R3HDM4: variants seen among roughly 807,000 people sequenced by gnomAD.
R3HDM4 encodes the protein R3H domain containing 4.
In R3HDM4, 30 loss-of-function variants were observed where a neutral mutation model predicts 31.3. That is an observed-to-expected ratio of 0.96 (90% CI 0.72 to 1.30). The LOEUF is 1.30. Ranked by LOEUF, R3HDM4 falls within the 50% of genes most tolerant of loss-of-function variation. R3HDM4 has a pLI of 0.00. For missense variants in R3HDM4, 444 were observed against 366.1 expected (o/e 1.21, Z -1.74); for synonymous variants, 196 against 156.6 (o/e 1.25, Z -1.88).
chr19:899,365 C>T lies in R3HDM4; in HGVS notation c.703+75G>A. Reference sequence around the variant, plus strand: ...CCCACCAAGCCCCACTCTGAGGAACCAGGCCCCTGGGACCCTGGCCACTTT... The same window carrying T: ...CCCACCAAGCCCCACTCTGAGGAACTAGGCCCCTGGGACCCTGGCCACTTT... On this transcript the variant is annotated intron_variant, in intron 7 of 7. Transcript: ENST00000361574. The surrounding 1 kb of genome is among the most constrained non-coding windows in gnomAD (Gnocchi z 6.8). The T allele has an allele frequency of 6.7e-7, 1 of 1,497,798 alleles. No individual in the cohort carries two copies. Among genetic ancestry groups the T allele is most frequent in the South Asian group, 1.1e-5 (1 of 88,368 alleles). 92.8% of individuals were successfully genotyped at this position (1,497,798 alleles called of 1,614,324 possible).
intron 3 of R3HDM4, 102 bp from the exon 4 acceptor site, chr19:901,054 C>T: frequency 7.2e-7 from 1 of 1,391,202 alleles, no homozygotes; most frequent in Non-Finnish European, 9.7e-7. Context: ...CGTGGACGCG[C>T]TCCTGCGGTC....
chr19:897,678 G>C lies in R3HDM4; in HGVS notation c.704-138C>G. The C allele has an allele frequency of 6.0e-6, 4 of 672,110 alleles. No individual in the cohort carries two copies. The South Asian group carries it at 7.8e-5, about 13-fold the overall frequency. 41.6% of individuals were successfully genotyped at this position (672,110 alleles called of 1,614,324 possible). A position where few individuals can be genotyped will look rare whatever the true frequency, so the allele number is the denominator to read the frequency against. On this transcript the variant is annotated intron_variant, in intron 7 of 7. Coordinates refer to ENST00000361574, the MANE Select transcript of R3HDM4 (RefSeq NM_138774.4). Reference sequence around the variant, plus strand: ...GGTGTGTGCTGGTCACTGCGGCCTGGCTGGCCCTAAGCCCGCAGGTCCGGG... The same window carrying C: ...GGTGTGTGCTGGTCACTGCGGCCTGCCTGGCCCTAAGCCCGCAGGTCCGGG...
intron 1 of R3HDM4, among the ~76,000 whole-genome samples, chr19:909,323 G>C (rs2036943661): frequency 6.6e-6 from 1 of 152,182 alleles, no homozygotes; most frequent in African/African-American, 2.4e-5. Flanking sequence ...TGTGCATCAG[G>C]AAGCCAGGGC....
At chr19:910,888 G>A (rs1044439484) in intron 1 of R3HDM4, among the ~76,000 whole-genome samples, 1 of 152,020 alleles carries the variant, frequency 6.6e-6, no homozygotes, top group African/African-American at 2.4e-5. Flanking sequence ...GGGAGGCCAA[G>A]GCGGGCAGAT....
chr19:912,647 A>C (rs1418076326), intron 1 of R3HDM4, among the ~76,000 whole-genome samples: 1 of 48,098 alleles, frequency 2.1e-5, no homozygotes, highest in South Asian at 1.0e-3. Flanking sequence ...GAGTGGGGGC[A>C]CGGACCGAGG....
chr19:903,234 C>T (rs1259308302), intron 1 of R3HDM4, among the ~76,000 whole-genome samples: 2 of 150,114 alleles, frequency 1.3e-5, no homozygotes, highest in South Asian at 2.1e-4. Flanking sequence ...CTCAGCCCCC[C>T]CCGCAAACCC....
intron 1 of R3HDM4, among the ~76,000 whole-genome samples, chr19:908,689 G>T (rs1469414199): frequency 6.6e-6 from 1 of 152,052 alleles, no homozygotes; most frequent in Non-Finnish European, 1.5e-5. Flanking sequence ...CAAACTCAGG[G>T]AGCCCCGGTC....
intron 1 of R3HDM4, among the ~76,000 whole-genome samples, chr19:910,683 C>G (rs2036960301): frequency 6.6e-6 from 1 of 151,914 alleles, no homozygotes. Flanking sequence ...TGTCTCCAAT[C>G]AATTAACCAA....
intron 1 of R3HDM4, among the ~76,000 whole-genome samples, chr19:903,620 G>C (rs757291901): frequency 6.6e-6 from 1 of 152,216 alleles, no homozygotes; most frequent in Admixed American, 6.5e-5. Context: ...CAAACTGGGC[G>C]TGGGAGCTCA....
chr19:906,713 G>GT (rs2036909804), intron 1 of R3HDM4, among the ~76,000 whole-genome samples: 1 of 152,180 alleles, frequency 6.6e-6, no homozygotes, highest in South Asian at 2.1e-4. Context: ...GCTGGACTGA[G>GT]TATTTTCCCC....
chr19:908,044 T>C lies in R3HDM4; in HGVS notation c.71+5043A>G, dbSNP rs564114599. Reference sequence around the variant, plus strand: ...CCTGTCTCTACAAAAATACAAAAATTAGCCAGGAGTGGTGGCGCACGCCTG... The same window carrying C: ...CCTGTCTCTACAAAAATACAAAAATCAGCCAGGAGTGGTGGCGCACGCCTG... On this transcript the variant is annotated intron_variant, in intron 1 of 7. Coordinates refer to ENST00000361574, the MANE Select transcript of R3HDM4 (RefSeq NM_138774.4). Among the ~76,000 whole-genome samples the C allele has an allele frequency of 7.9e-5, 12 of 151,166 alleles. No homozygotes were observed. In the South Asian group the frequency reaches 1.0e-3, roughly 13 times the overall value.
At chr19:897,960 C>A (rs116165579) in intron 7 of R3HDM4, among the ~76,000 whole-genome samples, 2,905 of 152,270 alleles carry the variant, frequency 0.019, 105 homozygotes, top group African/African-American at 0.067. Flanking sequence ...CCCATCTCCC[C>A]CTCACTGCAG....
In R3HDM4 at chr19:901,437, G is replaced by A. The variant is rs774354440; in HGVS notation, c.336C>T (p.Asn112=). 144 of 1,607,344 alleles carry A rather than the reference G, an allele frequency of 9.0e-5. No homozygotes were observed. The East Asian group carries it at 1.9e-3, about 21-fold the overall frequency. Residue 112 remains asparagine (N), a synonymous_variant, in exon 3 of 8, where the codon AAC becomes AAT. Coordinates refer to ENST00000361574, the MANE Select transcript of R3HDM4 (RefSeq NM_138774.4). ...SPGIFAEACN[N]ATYVEVWNDF... Reference sequence around the variant, plus strand: ...GGGGCCACACCTCCACATAGGTGGCGTTGTTGCAGGCCTCGGCAAAGATGC... The same window carrying A: ...GGGGCCACACCTCCACATAGGTGGCATTGTTGCAGGCCTCGGCAAAGATGC...
At chr19:902,985 C>T (rs1032560569) in intron 1 of R3HDM4, among the ~76,000 whole-genome samples, 24 of 152,118 alleles carry the variant, frequency 1.6e-4, no homozygotes, top group Non-Finnish European at 3.5e-4. Context: ...TAAACCGAGG[C>T]TCAGAGAAGT....
At chr19:905,945 C>G (rs577046375) in intron 1 of R3HDM4, among the ~76,000 whole-genome samples, 9 of 152,176 alleles carry the variant, frequency 5.9e-5, no homozygotes, top group Non-Finnish European at 8.8e-5. Context: ...ACTGCCTCCT[C>G]GCCAGGCTGC....
intron 1 of R3HDM4, among the ~76,000 whole-genome samples, chr19:906,320 C>T (rs533993888): frequency 7.0e-5 from 10 of 143,528 alleles, no homozygotes; most frequent in Non-Finnish European, 1.1e-4. Context: ...CCCGGGTTCA[C>T]GCCATTCTCC....
Position 899,732 on chromosome 19 carries a change from TG to T in R3HDM4, c.562-47del. Reference sequence around the variant, plus strand: ...GTCAGGGAACTGCGGGACCTGTGGGTGGGGGGCCAGGGAGGTCCAGGGCCCC... The same window carrying T: ...GTCAGGGAACTGCGGGACCTGTGGGTGGGGGCCAGGGAGGTCCAGGGCCCC... On this transcript the variant is annotated intron_variant, in intron 5 of 7. Coordinates refer to ENST00000361574, the MANE Select transcript of R3HDM4 (RefSeq NM_138774.4). This position sits in a 1 kb window ranked among gnomAD's most constrained non-coding sequence, Gnocchi z 6.8. The T allele has an allele frequency of 2.1e-6, 3 of 1,462,526 alleles. No homozygotes were observed. Among genetic ancestry groups the T allele is most frequent in the African/African-American group, 1.4e-5 (1 of 70,498 alleles). 90.6% of individuals were successfully genotyped at this position (1,462,526 alleles called of 1,614,324 possible). A position where few individuals can be genotyped will look rare whatever the true frequency, so the allele number is the denominator to read the frequency against.
chr19:902,957 A>C (rs1435475883), intron 1 of R3HDM4, among the ~76,000 whole-genome samples: 2 of 152,206 alleles, frequency 1.3e-5, no homozygotes, highest in Admixed American at 6.5e-5. Context: ...AAAACAAAAA[A>C]CTGTGATGAT....
At chr19:902,439 GA>G (rs757619206) in intron 1 of R3HDM4, 3,064 of 162,268 alleles carry the variant, frequency 0.019, 3 homozygotes, top group South Asian at 0.023. Flanking sequence ...GCAAGACTAT[GA>G]AAAAAAAAAA....
Sources: allele counts gnomAD v4.1 joint callset (sites outside exome capture counted in the v4.1 genomes callset), GRCh38; gene constraint gnomAD v4.1.1; non-coding constraint Gnocchi (gnomAD v3.1); transcripts MANE v1.5; gene names NCBI Gene and HGNC (gene_info 2026-07-23, HGNC 2026-07-21).